The following KCNH5 variants were observed in gnomAD, a reference collection of about 807,000 sequenced individuals.
The protein encoded by KCNH5 is potassium voltage-gated channel subfamily H member 5, also known as voltage-gated delayed rectifier potassium channel KCNH5.
KCNH5 carries 46 observed loss-of-function variants against 96.1 expected under a neutral mutation model. The observed-to-expected ratio is 0.48, with a 90% CI of 0.38 to 0.61. KCNH5 has a LOEUF of 0.61. Ranked by LOEUF, KCNH5 falls within the 20% of genes least tolerant of loss-of-function variation. KCNH5 has a pLI of 0.00. For synonymous variants in KCNH5, 439 were observed against 449.8 expected, an observed-to-expected ratio of 0.98 and a Z score of 0.30; for missense variants, 907 against 1,225.8, an observed-to-expected ratio of 0.74 and a Z score of 3.88.
chr14:62,892,257 T>A (rs1172539398), intron 7 of KCNH5, among the ~76,000 whole-genome samples: 4 of 152,188 alleles, frequency 2.6e-5, no homozygotes, highest in Non-Finnish European at 5.9e-5. Flanking sequence ...TTATCGCTGC[T>A]ATAAAGAAAA....
intron 6 of KCNH5, among the ~76,000 whole-genome samples, chr14:62,955,881 C>T (rs990521116): frequency 2.6e-5 from 4 of 152,124 alleles, no homozygotes; most frequent in Non-Finnish European, 5.9e-5. Flanking sequence ...GAAGATCAGA[C>T]AGGTTGAACG....
intron 6 of KCNH5, among the ~76,000 whole-genome samples, chr14:62,958,982 C>CA (rs902095378): frequency 5.9e-5 from 9 of 151,638 alleles, no homozygotes; most frequent in East Asian, 1.9e-4. Context: ...TCTCATTAAG[C>CA]AAAAAAAATT....
chr14:62,945,611 G>A (rs575492428), intron 7 of KCNH5, among the ~76,000 whole-genome samples: 18 of 152,214 alleles, frequency 1.2e-4, no homozygotes, highest in African/African-American at 3.9e-4. Flanking sequence ...ACGTGGGTTC[G>A]GATCGTGGTA....
chr14:62,774,089 A>C lies in KCNH5; in HGVS notation c.2019+5639T>G, dbSNP rs373280738. Among the ~76,000 whole-genome samples, 13 of 152,286 alleles carry C rather than the reference A, an allele frequency of 8.5e-5. No individual in the cohort carries two copies. The East Asian group carries it at 2.5e-3, about 29-fold the overall frequency. On this transcript the variant is annotated intron_variant, in intron 10 of 10. Transcript: ENST00000322893. ...TCATGGTTATGACTATTGCAGCATA[A>C]GATACAAAGAAAATTTAGCAAAGGG...
chr14:62,708,295 C>T lies in KCNH5; in HGVS notation c.2180G>A (p.Gly727Asp), dbSNP rs1884486140. ...CTGGAGTTGGTTCCTCTCAGGGTCA[C>T]CCTGTGTTGAGCCCTGATTCCGCAG... Reference protein sequence around the residue: ...KELRNQGSTQGDPERNQLQVE... With the variant: ...KELRNQGSTQDDPERNQLQVE... Residue 727 changes from glycine to aspartate, a missense_variant, in exon 11 of 11, where the codon GGT becomes GAT. By Grantham distance (94) the Gly-to-Asp change is moderately conservative. Coordinates refer to ENST00000322893, the MANE Select transcript of KCNH5 (RefSeq NM_139318.5). 1.2e-6 allele frequency: 2 copies of T among 1,614,042 alleles called. No individual in the cohort carries two copies. Among genetic ancestry groups the T allele is most frequent in the Non-Finnish European group, 1.7e-6 (2 of 1,180,020 alleles).
At position 63,045,094 on chromosome 14, in the gene KCNH5, T is replaced by G; in HGVS notation, c.73+20A>C. On this transcript the variant is annotated intron_variant, in intron 1 of 10. Transcript: ENST00000322893. ...GGGCGGGATGGAGGTGGGGGTGTTC[T>G]GAACTACAACTCTCCTTACCACTGG... The G allele has an allele frequency of 6.2e-7, 1 of 1,605,320 alleles. No individual in the cohort carries two copies. The highest frequency in any genetic ancestry group is 8.5e-7 in the Non-Finnish European group (1 of 1,172,278).
chr14:62,990,902 G>A (rs1349716382), intron 4 of KCNH5, among the ~76,000 whole-genome samples: 1 of 152,048 alleles, frequency 6.6e-6, no homozygotes, highest in East Asian at 1.9e-4. Flanking sequence ...GCCGAGCCAA[G>A]AGGGGAAAAT....
Position 62,705,295 on chromosome 14 carries a change from G to A in KCNH5, c.*2213C>T, listed in dbSNP as rs1371151876. On this transcript the variant is annotated 3_prime_UTR_variant, in exon 11 of 11. Coordinates refer to ENST00000322893, the MANE Select transcript of KCNH5 (RefSeq NM_139318.5). Reference sequence around the variant, plus strand: ...CACCAATAGTTAGTTTTGAAGCACTGGCTAAAGTTAAACTAACAACTTCTA... The same window carrying A: ...CACCAATAGTTAGTTTTGAAGCACTAGCTAAAGTTAAACTAACAACTTCTA... 3 of 151,932 alleles carry A rather than the reference G, an allele frequency of 2.0e-5. No individual in the cohort carries two copies. Among genetic ancestry groups the A allele is most frequent in the Non-Finnish European group, 4.4e-5 (3 of 67,848 alleles). 9.4% of individuals were successfully genotyped at this position (151,932 alleles called of 1,614,324 possible). A position where few individuals can be genotyped will look rare whatever the true frequency, so the allele number is the denominator to read the frequency against.
intron 8 of KCNH5, among the ~76,000 whole-genome samples, chr14:62,832,628 G>A (rs1419041819): frequency 2.0e-5 from 3 of 152,052 alleles, no homozygotes; most frequent in Non-Finnish European, 4.4e-5. Context: ...CCCAGGAGTG[G>A]GATTGTTAGA....
intron 7 of KCNH5, among the ~76,000 whole-genome samples, chr14:62,859,722 T>C (rs1369822480): frequency 6.6e-6 from 1 of 152,196 alleles, no homozygotes; most frequent in African/African-American, 2.4e-5. Flanking sequence ...TTCTGCCCAC[T>C]GGGAAGACTT....
At chr14:62,992,437 C>T (rs1890827100) in intron 4 of KCNH5, among the ~76,000 whole-genome samples, 1 of 151,920 alleles carries the variant, frequency 6.6e-6, no homozygotes, top group Admixed American at 6.6e-5. Context: ...ACCTACATTC[C>T]CACCAACAGT....
chr14:62,897,433 T>G (rs1017618383), intron 7 of KCNH5, among the ~76,000 whole-genome samples: 2 of 152,086 alleles, frequency 1.3e-5, no homozygotes, highest in Non-Finnish European at 2.9e-5. Context: ...TTTTTCTAGA[T>G]GAACCAAGTA....
intron 10 of KCNH5, among the ~76,000 whole-genome samples, chr14:62,721,499 G>GCT (rs10567188): frequency 0.22 from 32,997 of 148,960 alleles, 3,859 homozygotes; most frequent in East Asian, 0.39. Flanking sequence ...TCACTCACTC[G>GCT]CTCTCTCTCT....
chr14:62,838,649 C>T (rs1307161068), intron 8 of KCNH5, among the ~76,000 whole-genome samples: 1 of 152,128 alleles, frequency 6.6e-6, no homozygotes, highest in Non-Finnish European at 1.5e-5. Flanking sequence ...AGACACTTGT[C>T]TACCAGATAC....
At chr14:63,011,278 T>C (rs1406181557) in intron 2 of KCNH5, among the ~76,000 whole-genome samples, 1 of 151,236 alleles carries the variant, frequency 6.6e-6, no homozygotes, top group Non-Finnish European at 1.5e-5. Context: ...AAGTCAGGAG[T>C]TCGAGACCAG....
rs1466721633 is a variant in KCNH5, at chr14:62,986,448, C to T, written c.549+624G>A. ...TCAACTACAGTAAAGTCATACTCAA[C>T]GTCACCATACTACCTCATCTCTGAC... On this transcript the variant is annotated intron_variant, in intron 5 of 10. Coordinates refer to ENST00000322893, the MANE Select transcript of KCNH5 (RefSeq NM_139318.5). Among the ~76,000 whole-genome samples the T allele has an allele frequency of 3.3e-5, 5 of 152,274 alleles. No homozygotes were observed. The East Asian group carries it at 9.7e-4, about 29-fold the overall frequency.
chr14:62,860,398 T>TA (rs1290178509), intron 7 of KCNH5, among the ~76,000 whole-genome samples: 1 of 152,230 alleles, frequency 6.6e-6, no homozygotes, highest in Non-Finnish European at 1.5e-5. Flanking sequence ...TAGCTTCTAA[T>TA]AAAATTAGTA....
intron 8 of KCNH5, among the ~76,000 whole-genome samples, chr14:62,846,467 T>G (rs1398134005): frequency 6.6e-6 from 1 of 152,008 alleles, no homozygotes; most frequent in Admixed American, 6.5e-5. Flanking sequence ...CAAAGATAAA[T>G]TAAATATATT....
intron 9 of KCNH5, among the ~76,000 whole-genome samples, chr14:62,785,398 C>T (rs1469162363): frequency 6.6e-6 from 1 of 152,158 alleles, no homozygotes; most frequent in African/African-American, 2.4e-5. Context: ...CTTTACTGTA[C>T]AAAAGATTTT....
Sources: gnomAD v4.1 joint callset for allele counts (sites outside exome capture counted in the v4.1 genomes callset) on GRCh38, gnomAD v4.1.1 for gene constraint, MANE v1.5 for transcripts, NCBI Gene and HGNC (gene_info 2026-07-23, HGNC 2026-07-21) for gene names.